The following CORO1C variants were observed in gnomAD, a reference collection of about 807,000 sequenced individuals.
The protein encoded by CORO1C is coronin 1C, also known as coronin-1C.
In CORO1C, 14 loss-of-function variants were observed where a neutral mutation model predicts 51.2. The observed-to-expected ratio is 0.27, with a 90% CI of 0.18 to 0.43. The LOEUF is 0.43. CORO1C is among the 20% of genes least tolerant of loss of function. The pLI is 1.00. For synonymous variants in CORO1C, 181 were observed against 210.5 expected (o/e 0.86, Z 1.21); for missense variants, 417 against 607.8 (o/e 0.69, Z 3.30).
At chr12:108,711,422 GTAA>G (rs1277800255) in intron 1 of CORO1C, among the ~76,000 whole-genome samples, 3 of 152,126 alleles carry the variant, frequency 2.0e-5, no homozygotes, top group African/African-American at 7.2e-5. Flanking sequence ...GCTCACGCCT[GTAA>G]TCCCAGCACT....
At chr12:108,716,690 T>G (rs2035344601) in intron 1 of CORO1C, among the ~76,000 whole-genome samples, 1 of 152,198 alleles carries the variant, frequency 6.6e-6, no homozygotes, top group South Asian at 2.1e-4. Flanking sequence ...AGAACTAAAA[T>G]AAATGATTTC....
At position 108,672,642 on chromosome 12, in the gene CORO1C, T is replaced by TG. The variant is rs201350047; in HGVS notation, c.318+5629dup. Among the ~76,000 whole-genome samples the TG allele has an allele frequency of 6.4e-3, 965 of 151,680 alleles. 6 individuals are homozygous for TG. Among genetic ancestry groups the TG allele is most frequent in the Non-Finnish European group, 1.0e-2 (677 of 67,862 alleles). ...TTATTGCACTTCACAGATATTGTGG[T>TG]GGTGTTTTTGTTTTGTTTTTTTTTT... On this transcript the variant is annotated intron_variant, in intron 3 of 10. Coordinates refer to ENST00000261401, the MANE Select transcript of CORO1C (RefSeq NM_014325.4).
intron 1 of CORO1C, among the ~76,000 whole-genome samples, chr12:108,708,672 A>T (rs1186438623): frequency 6.6e-6 from 1 of 151,986 alleles, no homozygotes; most frequent in Non-Finnish European, 1.5e-5. Context: ...ATGTTGGTCA[A>T]GCTGGTCTCA....
chr12:108,646,608 G>A lies in CORO1C; in HGVS notation c.*795C>T, dbSNP rs1029614340. 6 of 152,130 alleles carry A rather than the reference G, an allele frequency of 3.9e-5. No homozygotes were observed. The highest frequency in any genetic ancestry group is 1.9e-4 in the East Asian group (1 of 5,198). The allele number at this position is 152,130 out of a possible 1,614,324, so 9.4% of individuals were successfully genotyped here. On this transcript the variant is annotated 3_prime_UTR_variant, in exon 11 of 11. Transcript: ENST00000261401. ...TAATCATCTGAAGCACAGGATAACC[G>A]AGAAGCAAAATTCCATTCTGGTACA...
intron 2 of CORO1C, among the ~76,000 whole-genome samples, chr12:108,679,961 T>C (rs1239588272): frequency 6.6e-6 from 1 of 152,118 alleles, no homozygotes; most frequent in Non-Finnish European, 1.5e-5. Flanking sequence ...GTAAAATAAG[T>C]AAAAAAATTA....
At chr12:108,703,597 C>G (rs2034941616) in intron 1 of CORO1C, among the ~76,000 whole-genome samples, 1 of 152,100 alleles carries the variant, frequency 6.6e-6, no homozygotes, top group South Asian at 2.1e-4. Context: ...ACTGTGAATC[C>G]CCAGAACACT....
rs199604203 is a variant in CORO1C, at chr12:108,713,003, CAAAG to C, written c.-5-11684_-5-11681del. On this transcript the variant is annotated intron_variant, in intron 1 of 10. Coordinates refer to ENST00000261401, the MANE Select transcript of CORO1C (RefSeq NM_014325.4). ...CTAAATTAAATCCAGCAGTGACACT[CAAAG>C]AAAGAATTTACCTAACGAATTGCAT... Among the ~76,000 whole-genome samples the C allele has an allele frequency of 5.1e-3, 775 of 151,196 alleles. 2 individuals carry two copies. Among genetic ancestry groups the C allele is most frequent in the African/African-American group, 0.017 (712 of 41,146 alleles).
chr12:108,700,587 T>C (rs1041501403), intron 2 of CORO1C, among the ~76,000 whole-genome samples: 1 of 152,074 alleles, frequency 6.6e-6, no homozygotes, highest in Admixed American at 6.6e-5. Context: ...TGAAACTTAC[T>C]ATTGTCCAGA....
In CORO1C at chr12:108,651,573, A is replaced by G. The variant is rs539917258; in HGVS notation, c.1001+699T>C. Among the ~76,000 whole-genome samples, 41 of 152,150 alleles carry G rather than the reference A, an allele frequency of 2.7e-4. No individual in the cohort carries two copies. In the South Asian group the frequency reaches 7.0e-3, roughly 26 times the overall value. On this transcript the variant is annotated intron_variant, in intron 8 of 10. Transcript: ENST00000261401. ...ATACAGTTTTGACTCTGGTTCTTCC[A>G]CTCATAGGGTAGGAAAACCACCCAC... is the stretch of plus-strand genomic sequence containing the variant.
At position 108,706,194 on chromosome 12, in the gene CORO1C, AACAAAAAAAAC is replaced by A. The variant is rs1440745702; in HGVS notation, c.-5-4882_-5-4872del. ...AGAGTGAGACTCTGAATCAAAAAAA[AACAAAAAAAAC>A]AAAAAAAAAGCATTTGACAAAATTA... On this transcript the variant is annotated intron_variant, in intron 1 of 10. Coordinates refer to ENST00000261401, the MANE Select transcript of CORO1C (RefSeq NM_014325.4). Among the ~76,000 whole-genome samples the A allele has an allele frequency of 5.3e-5, 8 of 151,280 alleles. No individual in the cohort carries two copies. The East Asian group carries it at 1.6e-3, about 29-fold the overall frequency.
chr12:108,721,554 A>G (rs1056892999), intron 1 of CORO1C, among the ~76,000 whole-genome samples: 15 of 152,266 alleles, frequency 9.9e-5, no homozygotes, highest in Non-Finnish European at 1.8e-4. Flanking sequence ...TAAGCTTGCC[A>G]TAAGACTTTG....
At chr12:108,673,517 G>A (rs182591198) in intron 3 of CORO1C, among the ~76,000 whole-genome samples, 3 of 152,378 alleles carry the variant, frequency 2.0e-5, no homozygotes, top group Non-Finnish European at 4.4e-5. Flanking sequence ...TAAGATCATT[G>A]ATGAAGGTGG....
At chr12:108,657,726 C>T (rs1430682612) in intron 5 of CORO1C, among the ~76,000 whole-genome samples, 2 of 152,216 alleles carry the variant, frequency 1.3e-5, no homozygotes, top group Non-Finnish European at 2.9e-5. Context: ...CATGAAAGGA[C>T]TCTGACAAAT....
At chr12:108,672,921 C>T (rs1219001491) in intron 3 of CORO1C, among the ~76,000 whole-genome samples, 2 of 152,126 alleles carry the variant, frequency 1.3e-5, no homozygotes, top group Admixed American at 6.5e-5. Context: ...TCTCATTGCT[C>T]CACCACCTGC....
intron 2 of CORO1C, among the ~76,000 whole-genome samples, chr12:108,684,218 A>G (rs2034222711): frequency 6.6e-6 from 1 of 152,252 alleles, no homozygotes; most frequent in African/African-American, 2.4e-5. Context: ...TGATAATTAG[A>G]GAACTGCAAA....
chr12:108,688,194 A>G lies in CORO1C; in HGVS notation c.196-9800T>C, dbSNP rs569203159. Reference sequence around the variant, plus strand: ...CCAAAGTGCTGAGATTACAGGTGTGAGCCACCGTGCCCAGCCCAGTATATC... The same window carrying G: ...CCAAAGTGCTGAGATTACAGGTGTGGGCCACCGTGCCCAGCCCAGTATATC... On this transcript the variant is annotated intron_variant, in intron 2 of 10. Transcript: ENST00000261401. Among the ~76,000 whole-genome samples, 18 of 152,240 alleles carry G rather than the reference A, an allele frequency of 1.2e-4. No homozygotes were observed. The South Asian group carries it at 3.7e-3, about 32-fold the overall frequency.
intron 3 of CORO1C, among the ~76,000 whole-genome samples, chr12:108,671,361 A>C (rs1454850193): frequency 6.6e-6 from 1 of 152,074 alleles, no homozygotes; most frequent in African/African-American, 2.4e-5. Flanking sequence ...GAGGAAAAGA[A>C]AAGAGGTTTG....
intron 1 of CORO1C, among the ~76,000 whole-genome samples, chr12:108,706,837 G>A (rs2035045569): frequency 1.3e-5 from 2 of 152,154 alleles, no homozygotes; most frequent in Admixed American, 6.5e-5. Context: ...TCCTGTCTTG[G>A]CCTCACAAAG....
intron 2 of CORO1C, among the ~76,000 whole-genome samples, chr12:108,683,897 T>C (rs1391004153): frequency 6.6e-6 from 1 of 151,826 alleles, no homozygotes; most frequent in Non-Finnish European, 1.5e-5. Flanking sequence ...GAATTCATCA[T>C]ATAAGGAATG....
Sources: gnomAD v4.1 joint callset for allele counts (sites outside exome capture counted in the v4.1 genomes callset) on GRCh38, gnomAD v4.1.1 for gene constraint, MANE v1.5 for transcripts, NCBI Gene and HGNC (gene_info 2026-07-23, HGNC 2026-07-21) for gene names.